The following ULK4 variants were observed in gnomAD, a reference collection of about 807,000 sequenced individuals.
ULK4 encodes unc-51 like kinase 4, also known as inactive serine/threonine-protein kinase ULK4.
Under a neutral mutation model 160.6 loss-of-function variants are expected in ULK4, and 133 were observed. That is an observed-to-expected ratio of 0.83 (90% CI 0.72 to 0.96). ULK4 has a LOEUF of 0.96. Among genes scored for constraint, ULK4 ranks in the 40% least tolerant of loss-of-function variants. The probability of loss-of-function intolerance (pLI) is 0.00; values close to 1 mark genes in which losing one functional copy is unlikely to be tolerated. For synonymous variants in ULK4, 534 were observed against 539.8 expected, an observed-to-expected ratio of 0.99 and a Z score of 0.15; for missense variants, 1,580 against 1,499.5, an observed-to-expected ratio of 1.05 and a Z score of -0.89.
rs1491089866 is a variant in ULK4 at position 41,953,305 on chromosome 3, T to TATATATA, written c.138+1316_138+1317insTATATAT. On this transcript the variant is annotated intron_variant, in intron 2 of 36. Transcript: ENST00000301831. ...ATACACATATATATATATATATATA[T>TATATATA]TTTTTTTTTTTTTTGAGATGGAGTC... Among the ~76,000 whole-genome samples, 665 of 91,680 alleles carry TATATATA rather than the reference T, an allele frequency of 7.3e-3. 5 individuals are homozygous for TATATATA. Among genetic ancestry groups the TATATATA allele is most frequent in the East Asian group, 0.047 (219 of 4,642 alleles). The allele number at this position is 91,680 out of a possible 152,430, so 60.1% of individuals were successfully genotyped here. A position where few individuals can be genotyped will look rare whatever the true frequency, so the allele number is the denominator to read the frequency against.
At chr3:41,289,935 G>A (rs1157248270) in intron 35 of ULK4, among the ~76,000 whole-genome samples, 1 of 152,120 alleles carries the variant, frequency 6.6e-6, no homozygotes, top group Non-Finnish European at 1.5e-5. Context: ...GAGCACAATG[G>A]CACGATCTCG....
chr3:41,722,763 TAAGGA>T (rs1399661731), intron 22 of ULK4, among the ~76,000 whole-genome samples: 1 of 152,234 alleles, frequency 6.6e-6, no homozygotes, highest in Non-Finnish European at 1.5e-5. Flanking sequence ...ACATTTTCTT[TAAGGA>T]AATAGTTTTG....
At chr3:41,476,711 C>A (rs2084158059) in intron 32 of ULK4, among the ~76,000 whole-genome samples, 1 of 152,024 alleles carries the variant, frequency 6.6e-6, no homozygotes, top group Non-Finnish European at 1.5e-5. Flanking sequence ...CTGCTTTGGA[C>A]TACTGGGCAA....
chr3:41,808,861 C>T lies in ULK4; in HGVS notation c.1849-8568G>A, dbSNP rs138046724. Among the ~76,000 whole-genome samples the T allele has an allele frequency of 2.3e-3, 345 of 152,264 alleles. 3 individuals carry two copies. The highest frequency in any genetic ancestry group is 1.4e-3 in the Non-Finnish European group (93 of 68,036). Reference sequence around the variant, plus strand: ...CTCTCAGGGTTCTTGTCTACACAGTCGCTGACTTAAGAACTTGGTGCTGCC... The same window carrying T: ...CTCTCAGGGTTCTTGTCTACACAGTTGCTGACTTAAGAACTTGGTGCTGCC... On this transcript the variant is annotated intron_variant, in intron 19 of 36. Transcript: ENST00000301831.
chr3:41,400,429 T>C (rs1043152943), intron 34 of ULK4, among the ~76,000 whole-genome samples: 3 of 152,196 alleles, frequency 2.0e-5, no homozygotes, highest in Non-Finnish European at 2.9e-5. Flanking sequence ...GTATGTTACA[T>C]ACATGGAATC....
At chr3:41,928,937 T>C (rs1465079335) in intron 5 of ULK4, among the ~76,000 whole-genome samples, 1 of 152,060 alleles carries the variant, frequency 6.6e-6, no homozygotes, top group Non-Finnish European at 1.5e-5. Flanking sequence ...ACATCCCTTC[T>C]GAAACTATTA....
At chr3:41,451,836 C>T (rs1466825253) in intron 34 of ULK4, among the ~76,000 whole-genome samples, 2 of 151,978 alleles carry the variant, frequency 1.3e-5, no homozygotes, top group African/African-American at 4.8e-5. Flanking sequence ...TTATGTGATT[C>T]AATGTAATAT....
rs191620983 is a variant in ULK4, at chr3:41,840,521, G to C, written c.1657-4550C>G. ...CTGCCGAGTGCCTGCGATTGCAGGC[G>C]CGCGCCGCCACACCTGACTGGTTTT... On this transcript the variant is annotated intron_variant, in intron 17 of 36. Coordinates refer to ENST00000301831, the MANE Select transcript of ULK4 (RefSeq NM_017886.4). Among the ~76,000 whole-genome samples, 337 of 152,352 alleles carry C rather than the reference G, an allele frequency of 2.2e-3. 4 individuals carry two copies. Among genetic ancestry groups the C allele is most frequent in the African/African-American group, 7.8e-3 (323 of 41,590 alleles).
chr3:41,839,838 C>CA (rs1553669453), intron 17 of ULK4, among the ~76,000 whole-genome samples: 1 of 151,852 alleles, frequency 6.6e-6, no homozygotes, highest in Non-Finnish European at 1.5e-5. Context: ...CAATCCCCCC[C>CA]AAAAAAACAA....
intron 31 of ULK4, among the ~76,000 whole-genome samples, chr3:41,586,532 T>C (rs769740428): frequency 6.6e-6 from 1 of 152,252 alleles, no homozygotes; most frequent in Non-Finnish European, 1.5e-5. Flanking sequence ...GGAAACATAG[T>C]TTCAGTTTTA....
intron 17 of ULK4, among the ~76,000 whole-genome samples, chr3:41,857,979 T>C (rs186445822): frequency 1.4e-3 from 218 of 152,150 alleles, no homozygotes; most frequent in African/African-American, 5.0e-3. Context: ...TCTTTATTAT[T>C]TCTTTTCTTC....
At position 41,954,647 on chromosome 3, in the gene ULK4, C is replaced by A. The variant is rs1441141446; in HGVS notation, c.113G>T (p.Cys38Phe). ...CCAGTTGGTTATTTCAGGCCTTTTG[C>A]ACTTATCAGTACAAAGAATGGCTAC... ...NFVAILCTDK[C>F]KRPEITNWVR... Residue 38 changes from cysteine to phenylalanine, a missense_variant, in exon 2 of 37, where the codon TGC becomes TTC. By Grantham distance (205) the Cys-to-Phe change is radical. Coordinates refer to ENST00000301831, the MANE Select transcript of ULK4 (RefSeq NM_017886.4). The A allele has an allele frequency of 1.2e-6, 2 of 1,613,600 alleles. No individual in the cohort carries two copies. Among genetic ancestry groups the A allele is most frequent in the African/African-American group, 1.3e-5 (1 of 74,900 alleles).
At chr3:41,836,320 A>T (rs1454504674) in intron 17 of ULK4, among the ~76,000 whole-genome samples, 1 of 151,950 alleles carries the variant, frequency 6.6e-6, no homozygotes, top group Non-Finnish European at 1.5e-5. Context: ...TTACAAGCGC[A>T]CGCCACCAAG....
chr3:41,486,470 G>A (rs1220077037), intron 32 of ULK4, among the ~76,000 whole-genome samples: 8 of 152,158 alleles, frequency 5.3e-5, no homozygotes, highest in East Asian at 3.9e-4. Flanking sequence ...TACATTTGAC[G>A]GAGACTCAAA....
intron 5 of ULK4, 27 bp from the exon 6 acceptor site, chr3:41,919,845 C>CAAATGAA: frequency 6.5e-7 from 1 of 1,548,296 alleles, no homozygotes; most frequent in Non-Finnish European, 8.9e-7. Flanking sequence ...AAGAACAGCT[C>CAAATGAA]GGTTAGGCAT....
At chr3:41,311,024 A>G (rs1192128632) in intron 35 of ULK4, among the ~76,000 whole-genome samples, 1 of 150,342 alleles carries the variant, frequency 6.7e-6, no homozygotes, top group African/African-American at 2.5e-5. Context: ...ATAAATAAAT[A>G]AAAGGAAAGA....
intron 21 of ULK4, among the ~76,000 whole-genome samples, chr3:41,763,513 G>A (rs1437461867): frequency 6.6e-6 from 1 of 152,166 alleles, no homozygotes; most frequent in African/African-American, 2.4e-5. Flanking sequence ...TGGAGTGAAC[G>A]CTGTGTATGT....
At chr3:41,429,515 A>G (rs1232526360) in intron 34 of ULK4, among the ~76,000 whole-genome samples, 1 of 152,202 alleles carries the variant, frequency 6.6e-6, no homozygotes, top group Non-Finnish European at 1.5e-5. Flanking sequence ...CCCATCAGTG[A>G]GACTGGATAA....
In ULK4 at chr3:41,246,882, C is replaced by A. The variant is rs2078653037; in HGVS notation, c.*47G>T. ...CTGGGAGCTGACCTTGCTTATGCATCCGAGGGCTGGGGCCACAGGGCGGGC... is the reference window on the plus strand; with the variant it reads ...CTGGGAGCTGACCTTGCTTATGCATACGAGGGCTGGGGCCACAGGGCGGGC... On this transcript the variant is annotated 3_prime_UTR_variant, in exon 37 of 37. Transcript: ENST00000301831. 1.9e-6 allele frequency: 3 copies of A among 1,602,082 alleles called. No individual in the cohort carries two copies. In the Admixed American group the frequency reaches 5.1e-5, roughly 27 times the overall value.
Sources: gnomAD v4.1 joint callset for allele counts (sites outside exome capture counted in the v4.1 genomes callset) on GRCh38, gnomAD v4.1.1 for gene constraint, MANE v1.5 for transcripts, NCBI Gene and HGNC (gene_info 2026-07-23, HGNC 2026-07-21) for gene names.